EPHA10: variants seen among roughly 807,000 people sequenced by gnomAD.
EPHA10 encodes EPH receptor A10.
In EPHA10, 120 loss-of-function variants were observed where a neutral mutation model predicts 109.7. The ratio of observed to expected loss-of-function variants is 1.09; its 90% CI spans 0.94 to 1.27. The LOEUF (loss-of-function observed/expected upper bound fraction) is 1.27, where lower values mean the gene tolerates loss of function less well. Ranked by LOEUF, EPHA10 falls within the 50% of genes most tolerant of loss-of-function variation. The pLI, the probability that EPHA10 is intolerant of heterozygous loss-of-function variation, is 0.00. For synonymous variants in EPHA10, 640 were observed against 618.9 expected (o/e 1.03, Z -0.51); for missense variants, 1,396 against 1,411.1 (o/e 0.99, Z 0.17).
intron 12 of EPHA10, 69 bp from the exon 13 acceptor site, chr1:37,720,623 G>A (rs759111227): frequency 4.8e-5 from 74 of 1,544,934 alleles, no homozygotes; most frequent in Middle Eastern, 1.8e-4. Flanking sequence ...ACACCAGGGC[G>A]GTCACCTAGC....
At chr1:37,722,234 C>T in intron 10 of EPHA10, 1 of 238,256 alleles carries the variant, frequency 4.2e-6, no homozygotes, top group Non-Finnish European at 8.5e-6. Flanking sequence ...CTTTTCTTGG[C>T]CTGTCTCCTC....
In EPHA10 at chr1:37,762,055, T is replaced by C; in HGVS notation, c.200A>G (p.His67Arg). 4 of 1,600,634 alleles carry C rather than the reference T, an allele frequency of 2.5e-6. No homozygotes were observed. The highest frequency in any genetic ancestry group is 3.4e-6 in the Non-Finnish European group (4 of 1,171,820). ...GWEEISGVDE[H>R]DRPIRTYQVC... is the part of the protein sequence containing the mutation. ...TTGGTACGTGCGGATGGGACGGTCG[T>C]GTTCATCCACGCCGCTGATCTCCTC... Residue 67 changes from histidine to arginine, a missense_variant, in exon 3 of 17, where the codon CAC becomes CGC. By Grantham distance (29) the His-to-Arg change is conservative. Coordinates refer to ENST00000373048, the MANE Select transcript of EPHA10 (RefSeq NM_001099439.2).
In EPHA10 at chr1:37,761,309, G is replaced by C. The variant is rs546794109; in HGVS notation, c.850+96C>G. On this transcript the variant is annotated intron_variant, in intron 3 of 16. Transcript: ENST00000373048. Reference sequence around the variant, plus strand: ...GTCCAAGGCTTCTCCACCGCCCCCCGACCCCACACCCGCCTCTTTCCTCTA... The same window carrying C: ...GTCCAAGGCTTCTCCACCGCCCCCCCACCCCACACCCGCCTCTTTCCTCTA... The C allele has an allele frequency of 1.3e-4, 199 of 1,544,494 alleles. 1 individual carries two copies. The East Asian group carries it at 4.4e-3, about 34-fold the overall frequency.
chr1:37,751,341 G>T (rs1266185247), intron 5 of EPHA10, among the ~76,000 whole-genome samples: 1 of 151,770 alleles, frequency 6.6e-6, no homozygotes, highest in Admixed American at 6.6e-5. Flanking sequence ...GGCCAAGGCG[G>T]GTAGATGACT....
intron 5 of EPHA10, among the ~76,000 whole-genome samples, chr1:37,748,916 ATC>A: frequency 9.4e-6 from 1 of 106,946 alleles, no homozygotes; most frequent in Non-Finnish European, 1.9e-5. Context: ...CTTTCTTTTC[ATC>A]TTTTTTTTTT....
In EPHA10 at chr1:37,761,640, G is replaced by A. The variant is rs754497439; in HGVS notation, c.615C>T (p.Arg205=). ...TGGCGCGGCACTGCTTGTAGTAGACGCGCACCGAGACAAGCGCCACGCATG... is the reference window on the plus strand; with the variant it reads ...TGGCGCGGCACTGCTTGTAGTAGACACGCACCGAGACAAGCGCCACGCATG... ...VGACVALVSV[R]VYYKQCRATV... is the part of the protein sequence containing the mutation. Residue 205 remains arginine (R), a synonymous_variant, in exon 3 of 17, where the codon CGC becomes CGT. Coordinates refer to ENST00000373048, the MANE Select transcript of EPHA10 (RefSeq NM_001099439.2). The A allele has an allele frequency of 1.2e-6, 2 of 1,605,672 alleles. No individual in the cohort carries two copies. The highest frequency in any genetic ancestry group is 2.2e-5 in the South Asian group (2 of 91,058).
chr1:37,731,593 A>G lies in EPHA10; in HGVS notation c.1492-11T>C, dbSNP rs1439833669. ...CTGCTCACTCTGACCCTGGAGAGAG[A>G]TCAAGAAGTGAAGCCCACCAGCGCC... On this transcript the variant is annotated splice_polypyrimidine_tract_variant and intron_variant, in intron 6 of 16. Transcript: ENST00000373048. 9 of 1,593,068 alleles carry G rather than the reference A, an allele frequency of 5.6e-6. No homozygotes were observed. The Admixed American group carries it at 1.6e-4, about 28-fold the overall frequency.
chr1:37,733,487 G>A (rs918480257), intron 6 of EPHA10, among the ~76,000 whole-genome samples: 2 of 152,164 alleles, frequency 1.3e-5, no homozygotes, highest in Non-Finnish European at 2.9e-5. Flanking sequence ...CCAAAGTGCT[G>A]GAATCACAGG....
chr1:37,761,420 C>G lies in EPHA10; in HGVS notation c.835G>C (p.Gly279Arg). ...AACTGGATACCTTCGCAGAAGTCAC[C>G]ACGCTCCTGGAATCCCGCGCTGCAG... ...CSCSAGFQER[G>R]DFCEACPPGF... Residue 279 changes from glycine (G) to arginine (R), a missense_variant, in exon 3 of 17, where the codon GGT becomes CGT. Gly to Arg is a moderately radical substitution (Grantham distance 125, BLOSUM62 -2). Coordinates refer to ENST00000373048, the MANE Select transcript of EPHA10 (RefSeq NM_001099439.2). The G allele has an allele frequency of 3.1e-6, 5 of 1,599,502 alleles. No homozygotes were observed. Among genetic ancestry groups the G allele is most frequent in the Non-Finnish European group, 4.2e-6 (5 of 1,179,808 alleles).
rs371271261 is a variant in EPHA10, at chr1:37,754,221, A to C, written c.1000T>G (p.Cys334Gly). ...RSPTDPPSAS[C>G]TRPPSAPRDL... ...GCCTGGAGGGGGGACTCACGGGTGCAGGAAGCCGAGGGCGGGTCGGTGGGT... is the reference window on the plus strand; with the variant it reads ...GCCTGGAGGGGGGACTCACGGGTGCCGGAAGCCGAGGGCGGGTCGGTGGGT... Residue 334 changes from cysteine (C) to glycine (G), a missense_variant, in exon 4 of 17, where the codon TGC becomes GGC. By Grantham distance (159) the Cys-to-Gly change is radical (BLOSUM62 -3). Transcript: ENST00000373048. The surrounding 1 kb of genome is among the most constrained non-coding windows in gnomAD (Gnocchi z 4.5). The C allele has an allele frequency of 2.9e-5, 38 of 1,296,668 alleles. No homozygotes were observed. Among genetic ancestry groups the C allele is most frequent in the Non-Finnish European group, 3.6e-5 (37 of 1,015,766 alleles). 80.3% of individuals were successfully genotyped at this position (1,296,668 alleles called of 1,614,324 possible).
chr1:37,762,731 T>C (rs1646443981), intron 2 of EPHA10, 54 bp downstream of exon 2: 2 of 1,473,048 alleles, frequency 1.4e-6, no homozygotes, highest in Non-Finnish European at 1.8e-6. Flanking sequence ...GAGGAGACTG[T>C]GTCCTGGACC....
chr1:37,747,393 A>C (rs941423031), intron 5 of EPHA10, among the ~76,000 whole-genome samples: 18 of 151,988 alleles, frequency 1.2e-4, no homozygotes, highest in African/African-American at 4.4e-4. Context: ...CTCTACAAAA[A>C]ACACAACATT....
intron 15 of EPHA10, chr1:37,719,094 T>G (rs1569615140): frequency 1.7e-6 from 1 of 593,596 alleles, no homozygotes; most frequent in East Asian, 2.8e-5. Flanking sequence ...TGACTCATAT[T>G]GGGAACAACG....
Position 37,721,859 on chromosome 1 carries a change from G to A in EPHA10, c.1961-14C>T. On this transcript the variant is annotated splice_polypyrimidine_tract_variant and intron_variant, in intron 10 of 16. Coordinates refer to ENST00000373048, the MANE Select transcript of EPHA10 (RefSeq NM_001099439.2). The stretch of plus-strand genomic sequence containing the variant: ...CCCCAAACCGCCCTGTGGGGAAACA[G>A]CACCTCAGATACCGCCAGAGGCCAC... 2 of 1,553,552 alleles carry A rather than the reference G, an allele frequency of 1.3e-6. No homozygotes were observed. The highest frequency in any genetic ancestry group is 2.4e-5 in the South Asian group (2 of 84,068).
rs375615094 is a variant in EPHA10, at chr1:37,761,088, T to TAAAA, written c.850+316_850+317insTTTT. 1,013 of 949,424 alleles carry TAAAA rather than the reference T, an allele frequency of 1.1e-3. 3 individuals carry two copies. The highest frequency in any genetic ancestry group is 1.2e-3 in the Non-Finnish European group (913 of 762,616). 58.8% of individuals were successfully genotyped at this position (949,424 alleles called of 1,614,324 possible). Reference sequence around the variant, plus strand: ...AACAGAGCAAGAGAGACTCCTTATTTTAAAAAAAAAAAAAAACAATGACTT... The same window carrying TAAAA: ...AACAGAGCAAGAGAGACTCCTTATTTAAAATAAAAAAAAAAAAAAACAATGACTT... On this transcript the variant is annotated intron_variant, in intron 3 of 16. Transcript: ENST00000373048.
chr1:37,761,272 T>C (rs1646427167), intron 3 of EPHA10, 133 bp downstream of exon 3: 5 of 1,516,358 alleles, frequency 3.3e-6, no homozygotes, highest in Non-Finnish European at 3.5e-6. Context: ...AGGGCTCTCC[T>C]TGGGCTCCAG....
intron 5 of EPHA10, among the ~76,000 whole-genome samples, chr1:37,748,393 A>C (rs1252618635): frequency 6.6e-6 from 1 of 152,154 alleles, no homozygotes; most frequent in Non-Finnish European, 1.5e-5. Context: ...CTTTCTCTCC[A>C]AAAATGGCAT....
At chr1:37,729,320 A>T (rs1389717020) in intron 7 of EPHA10, among the ~76,000 whole-genome samples, 1 of 152,220 alleles carries the variant, frequency 6.6e-6, no homozygotes, top group East Asian at 1.9e-4. Context: ...CAATCCATGG[A>T]AACATAAGAT....
chr1:37,731,464 G>T lies in EPHA10; in HGVS notation c.1610C>A (p.Ser537Tyr). 6.2e-7 allele frequency: 1 copy of T among 1,613,904 alleles called. No homozygotes were observed. ...FQIRAASPGP[S>Y]WEAQSFNPSI... Reference sequence around the variant, plus strand: ...GGGGTTAAAACTCTGGGCCTCCCAGGATGGCCCCGGGGAAGCGGCCCGGAT... The same window carrying T: ...GGGGTTAAAACTCTGGGCCTCCCAGTATGGCCCCGGGGAAGCGGCCCGGAT... Residue 537 changes from serine to tyrosine, a missense_variant, in exon 7 of 17, where the codon TCC becomes TAC. Coordinates refer to ENST00000373048, the MANE Select transcript of EPHA10 (RefSeq NM_001099439.2).
Sources: allele counts gnomAD v4.1 joint callset (sites outside exome capture counted in the v4.1 genomes callset), GRCh38; gene constraint gnomAD v4.1.1; non-coding constraint Gnocchi (gnomAD v3.1); transcripts MANE v1.5; gene names NCBI Gene and HGNC (gene_info 2026-07-23, HGNC 2026-07-21).